The following EPB41L4A variants were observed in gnomAD, a reference collection of about 807,000 sequenced individuals.
EPB41L4A encodes band 4.1-like protein 4A.
EPB41L4A carries 100 observed loss-of-function variants against 108.6 expected under a neutral mutation model. The ratio of observed to expected loss-of-function variants is 0.92; its 90% CI spans 0.78 to 1.09. EPB41L4A has a LOEUF of 1.09. EPB41L4A is among the 50% of genes least tolerant of loss of function. The pLI is 0.00. For synonymous variants in EPB41L4A, 319 were observed against 289.0 expected (o/e 1.10, Z -1.05); for missense variants, 1,030 against 842.7 (o/e 1.22, Z -2.75).
At chr5:112,402,347 T>C (rs1223956876) in intron 1 of EPB41L4A, among the ~76,000 whole-genome samples, 1 of 152,150 alleles carries the variant, frequency 6.6e-6, no homozygotes, top group South Asian at 2.1e-4. Context: ...CTTTTTTTTT[T>C]TTTAATCCAG....
At chr5:112,254,966 C>T (rs771887602) in intron 9 of EPB41L4A, among the ~76,000 whole-genome samples, 29 of 152,192 alleles carry the variant, frequency 1.9e-4, no homozygotes, top group Admixed American at 5.9e-4. Flanking sequence ...CCACTGTAGC[C>T]CTCGAGGGAT....
intron 4 of EPB41L4A, among the ~76,000 whole-genome samples, chr5:112,266,542 C>G (rs1046438477): frequency 6.6e-6 from 1 of 152,196 alleles, no homozygotes; most frequent in African/African-American, 2.4e-5. Context: ...GTGCGGCTTT[C>G]AAGTTCAACT....
intron 18 of EPB41L4A, 116 bp from the exon 19 acceptor site, chr5:112,171,108 A>C: frequency 1.1e-6 from 1 of 881,758 alleles, no homozygotes; most frequent in Non-Finnish European, 1.8e-6. Context: ...GAGAACAGAC[A>C]AGGAAAGACT....
chr5:112,147,187 C>G (rs1759290819), intron 12 of EPB41L4A, among the ~76,000 whole-genome samples: 1 of 152,158 alleles, frequency 6.6e-6, no homozygotes, highest in South Asian at 2.1e-4. Context: ...ATTTAGCAGT[C>G]TATTCAGTAT....
Position 112,188,539 on chromosome 5 carries a change from T to C in EPB41L4A, c.1503-4404A>G, listed in dbSNP as rs192917577. 1.0e-3 allele frequency among the ~76,000 whole-genome samples: 155 copies of C among 152,314 alleles called. 1 individual carries two copies. In the South Asian group the frequency reaches 0.012, roughly 12 times the overall value. On this transcript the variant is annotated intron_variant, in intron 17 of 22. Coordinates refer to ENST00000261486, the MANE Select transcript of EPB41L4A (RefSeq NM_022140.5). Reference sequence around the variant, plus strand: ...CTGCGGCTTTGTCCTTCCACAGTCATCTCTGCCAACCTTGATTATACTCTG... The same window carrying C: ...CTGCGGCTTTGTCCTTCCACAGTCACCTCTGCCAACCTTGATTATACTCTG...
chr5:112,419,026 C>G lies in EPB41L4A; in HGVS notation c.14G>C (p.Cys5Ser). Residue 5 changes from cysteine to serine, a missense_variant, in exon 1 of 23, where the codon TGC becomes TCC. Physicochemically the swap from Cys to Ser is moderately radical, Grantham distance 112. Coordinates refer to ENST00000261486, the MANE Select transcript of EPB41L4A (RefSeq NM_022140.5). ...GCAGTAAAATTCTTCCGGAACAGCG[C>G]AGAAACAGCCCATGTCGGTTGTGGT... MGCF[C>S]AVPEEFYCEV... is the part of the protein sequence containing the mutation. 6.2e-7 allele frequency: 1 copy of G among 1,613,492 alleles called. No homozygotes were observed. Among genetic ancestry groups the G allele is most frequent in the African/African-American group, 1.3e-5 (1 of 75,008 alleles).
At chr5:112,234,210 TATAAATA>T (rs1749165954) in intron 12 of EPB41L4A, among the ~76,000 whole-genome samples, 1 of 146,546 alleles carries the variant, frequency 6.8e-6, no homozygotes, top group Admixed American at 6.8e-5. Flanking sequence ...TAAAATAAAA[TATAAATA>T]AAATAAAATA....
chr5:112,285,511 C>T (rs886148678), intron 2 of EPB41L4A, among the ~76,000 whole-genome samples: 2 of 152,136 alleles, frequency 1.3e-5, no homozygotes, highest in African/African-American at 4.8e-5. Flanking sequence ...TTAATTTGCT[C>T]CTTCATATGA....
chr5:112,256,505 G>A (rs1279772204), intron 9 of EPB41L4A, among the ~76,000 whole-genome samples: 1 of 152,018 alleles, frequency 6.6e-6, no homozygotes, highest in Non-Finnish European at 1.5e-5. Flanking sequence ...CTAGATATGA[G>A]ATAAATAAAA....
intron 12 of EPB41L4A, among the ~76,000 whole-genome samples, chr5:112,148,662 T>A (rs2112796198): frequency 6.6e-6 from 1 of 152,320 alleles, no homozygotes; most frequent in South Asian, 2.1e-4. Context: ...AGCCATTGAT[T>A]TTTATGTTTA....
intron 1 of EPB41L4A, among the ~76,000 whole-genome samples, chr5:112,333,921 C>G (rs1378801726): frequency 6.6e-6 from 1 of 152,180 alleles, no homozygotes; most frequent in Non-Finnish European, 1.5e-5. Flanking sequence ...ATACTATCAA[C>G]AGCGTAAACC....
chr5:112,214,450 C>T (rs182303177), intron 12 of EPB41L4A, among the ~76,000 whole-genome samples: 1 of 152,280 alleles, frequency 6.6e-6, no homozygotes, highest in Non-Finnish European at 1.5e-5. Flanking sequence ...CAGTAAACCA[C>T]CACCCACTTC....
At chr5:112,276,867 C>T (rs1028901035) in intron 3 of EPB41L4A, among the ~76,000 whole-genome samples, 2 of 152,080 alleles carry the variant, frequency 1.3e-5, no homozygotes, top group African/African-American at 2.4e-5. Flanking sequence ...GGATCCTGCC[C>T]CTCCCCTCAT....
At chr5:112,310,558 T>C (rs1754983044) in intron 1 of EPB41L4A, among the ~76,000 whole-genome samples, 1 of 152,208 alleles carries the variant, frequency 6.6e-6, no homozygotes, top group South Asian at 2.1e-4. Context: ...TTCCTTCAAT[T>C]CTGCTTTTTT....
At chr5:112,251,518 C>G (rs1353227013) in intron 9 of EPB41L4A, among the ~76,000 whole-genome samples, 1 of 151,842 alleles carries the variant, frequency 6.6e-6, no homozygotes, top group East Asian at 1.9e-4. Context: ...GGAAAAAACC[C>G]CAACACAGTA....
Position 112,240,786 on chromosome 5 carries a change from CA to C in EPB41L4A, c.819del (p.Phe273LeufsTer57). ...GKDCNETSFF[F>X]EARSKTACKH... The stretch of plus-strand genomic sequence containing the variant: ...TTGCAAGCAGTTTTACTCCGAGCTT[CA>C]AAAAAGAATGAGGTTTCGTTACACT... On this transcript the variant is annotated frameshift_variant, in exon 10 of 23. Transcript: ENST00000261486. LOFTEE classifies it high-confidence loss of function. The C allele has an allele frequency of 1.3e-6, 2 of 1,588,336 alleles. No homozygotes were observed. The highest frequency in any genetic ancestry group is 1.2e-5 in the South Asian group (1 of 85,320).
intron 11 of EPB41L4A, 66 bp downstream of exon 11, chr5:112,239,594 T>A: frequency 1.0e-6 from 1 of 988,886 alleles, no homozygotes. Context: ...TCACTGAGCA[T>A]GTATGACAGC....
intron 12 of EPB41L4A, among the ~76,000 whole-genome samples, chr5:112,225,304 C>T (rs546095414): frequency 6.6e-6 from 1 of 152,342 alleles, no homozygotes; most frequent in South Asian, 2.1e-4. Context: ...TAATCCTGGA[C>T]TTATGCCCCT....
intron 1 of EPB41L4A, among the ~76,000 whole-genome samples, chr5:112,400,351 G>A (rs1033439638): frequency 1.9e-4 from 29 of 151,886 alleles, no homozygotes; most frequent in Non-Finnish European, 3.5e-4. Context: ...TGAGATTTGC[G>A]TAGGGACACA....
Sources: gnomAD v4.1 joint callset for allele counts (sites outside exome capture counted in the v4.1 genomes callset) on GRCh38, gnomAD v4.1.1 for gene constraint, MANE v1.5 for transcripts, NCBI Gene and HGNC (gene_info 2026-07-23, HGNC 2026-07-21) for gene names.